The following ZNF451 variants were observed in gnomAD, a reference collection of about 807,000 sequenced individuals.
The protein encoded by ZNF451 is E3 SUMO-protein ligase ZNF451.
ZNF451 carries 80 observed loss-of-function variants against 107.1 expected under a neutral mutation model. The ratio of observed to expected loss-of-function variants is 0.75; its 90% CI spans 0.62 to 0.90. ZNF451 has a LOEUF of 0.90. Among genes scored for constraint, ZNF451 ranks in the 40% least tolerant of loss-of-function variants. The pLI is 0.00. For synonymous variants in ZNF451, 362 were observed against 406.5 expected, an observed-to-expected ratio of 0.89 and a Z score of 1.32; for missense variants, 1,107 against 1,236.2, an observed-to-expected ratio of 0.90 and a Z score of 1.57.
At chr6:57,109,797 T>C (rs1830030058) in intron 3 of ZNF451, 5 of 769,458 alleles carry the variant, frequency 6.5e-6, no homozygotes, top group Middle Eastern at 6.7e-4. Context: ...TTAGAGTGTA[T>C]ATGTATGTGT....
At chr6:57,138,704 C>CATATATAT (rs60629541) in intron 7 of ZNF451, among the ~76,000 whole-genome samples, 120 of 43,764 alleles carry the variant, frequency 2.7e-3, no homozygotes, top group South Asian at 2.8e-3. Context: ...GCAGCTATGC[C>CATATATAT]ATATATATAT....
intron 12 of ZNF451, among the ~76,000 whole-genome samples, chr6:57,153,517 G>C (rs1015047543): frequency 2.6e-4 from 40 of 151,578 alleles, no homozygotes; most frequent in African/African-American, 9.2e-4. Context: ...TGATTCTCCA[G>C]CCTCAGCCTG....
intron 10 of ZNF451, 43 bp from the exon 11 acceptor site, chr6:57,150,676 G>A: frequency 6.5e-7 from 1 of 1,544,560 alleles, no homozygotes; most frequent in South Asian, 1.3e-5. Flanking sequence ...AATGATTTTA[G>A]CAAATTCTTA....
chr6:57,144,351 G>A (rs994695497), intron 9 of ZNF451, among the ~76,000 whole-genome samples: 1 of 146,250 alleles, frequency 6.8e-6, no homozygotes, highest in African/African-American at 2.5e-5. Context: ...AGTGATTCTC[G>A]TGCCTCAGCC....
chr6:57,101,699 T>C, intron 3 of ZNF451: 4 of 1,550,646 alleles, frequency 2.6e-6, no homozygotes, highest in Non-Finnish European at 1.7e-6. Flanking sequence ...TCTGATGGTA[T>C]GGATGCAGGC....
intron 3 of ZNF451, chr6:57,106,667 T>C (rs973940394): frequency 1.2e-5 from 12 of 985,038 alleles, no homozygotes; most frequent in Non-Finnish European, 1.4e-5. Context: ...TCGCACTGTT[T>C]AGGTTCTCTT....
intron 3 of ZNF451, among the ~76,000 whole-genome samples, chr6:57,110,070 T>G (rs1037510275): frequency 1.3e-5 from 2 of 152,318 alleles, no homozygotes; most frequent in African/African-American, 4.8e-5. Flanking sequence ...AAAGCTTTTC[T>G]TACCAAGTGT....
intron 3 of ZNF451, chr6:57,106,928 TA>T: frequency 1.1e-6 from 1 of 931,402 alleles, no homozygotes. Flanking sequence ...TTGAGTTTTA[TA>T]AACCATTAAA....
intron 14 of ZNF451, among the ~76,000 whole-genome samples, 190 bp from the exon 15 acceptor site, chr6:57,168,233 G>C (rs941482822): frequency 1.3e-5 from 2 of 152,070 alleles, no homozygotes; most frequent in African/African-American, 4.8e-5. Context: ...TTCAATTCAA[G>C]ATCATGTCTA....
At chr6:57,095,925 G>A (rs1175590496) in intron 2 of ZNF451, among the ~76,000 whole-genome samples, 1 of 151,912 alleles carries the variant, frequency 6.6e-6, no homozygotes, top group African/African-American at 2.4e-5. Context: ...CTGGGCTAAA[G>A]CGATTCTTGT....
chr6:57,147,169 G>A lies in ZNF451; in HGVS notation c.1084G>A (p.Gly362Ser), dbSNP rs758399871. The change falls in exon 10 of 15, where the codon GGT becomes AGT. Residue 362 changes from glycine to serine, a missense_variant. Transcript: ENST00000370706. Reference sequence around the variant, plus strand: ...GGTTGCAGAGAAATTCATATTAAGAGGTTATTGTCCAGATTGCAATCAAGT... The same window carrying A: ...GGTTGCAGAGAAATTCATATTAAGAAGTTATTGTCCAGATTGCAATCAAGT... The part of the protein sequence containing the change: ...TQVAEKFILR[G>S]YCPDCNQVFV... The A allele has an allele frequency of 6.2e-7, 1 of 1,613,928 alleles. No homozygotes were observed. The highest frequency in any genetic ancestry group is 8.5e-7 in the Non-Finnish European group (1 of 1,179,952).
chr6:57,107,060 G>A, intron 3 of ZNF451: 1 of 981,234 alleles, frequency 1.0e-6, no homozygotes, highest in Non-Finnish European at 1.2e-6. Context: ...TTGTTATAAT[G>A]AAAACTTTAC....
chr6:57,129,668 G>A (rs535176736), intron 5 of ZNF451, among the ~76,000 whole-genome samples: 2 of 152,210 alleles, frequency 1.3e-5, no homozygotes, highest in East Asian at 1.9e-4. Flanking sequence ...TAATTTACAT[G>A]TATTGGTATT....
chr6:57,163,576 G>A (rs1027092417), intron 14 of ZNF451, among the ~76,000 whole-genome samples: 5 of 144,522 alleles, frequency 3.5e-5, no homozygotes, highest in Admixed American at 1.4e-4. Context: ...TCAGCCTCCC[G>A]AGTAGCTGGG....
In ZNF451 at chr6:57,147,448, A is replaced by G; in HGVS notation, c.1363A>G (p.Ser455Gly). The G allele has an allele frequency of 1.2e-6, 2 of 1,614,138 alleles. No homozygotes were observed. The highest frequency in any genetic ancestry group is 1.1e-5 in the South Asian group (1 of 91,072). ...PKKKMNLKDK[S>G]HEGVACVQKE... ...AAAGAAGATGAATTTAAAAGATAAA[A>G]GCCATGAAGGTGTTGCTTGTGTCCA... The change falls in exon 10 of 15, where the codon AGC becomes GGC. Residue 455 changes from serine (S) to glycine (G), a missense_variant. By Grantham distance (56) the Ser-to-Gly change is moderately conservative. This residue lies in a region of ZNF451 where 608 missense variants were observed against 649.2 expected (regional missense o/e 0.94). Coordinates refer to ENST00000370706, the MANE Select transcript of ZNF451 (RefSeq NM_001031623.3).
chr6:57,164,397 A>C (rs1763809325), intron 14 of ZNF451, among the ~76,000 whole-genome samples: 1 of 152,202 alleles, frequency 6.6e-6, no homozygotes, highest in Non-Finnish European at 1.5e-5. Context: ...TGCTAATGTT[A>C]CTGGGATTAT....
At position 57,142,088 on chromosome 6, in the gene ZNF451, C is replaced by G; in HGVS notation, c.997C>G (p.His333Asp). 6.2e-7 allele frequency: 1 copy of G among 1,611,826 alleles called. No homozygotes were observed. Among genetic ancestry groups the G allele is most frequent in the Non-Finnish European group, 8.5e-7 (1 of 1,178,234 alleles). Residue 333 changes from histidine to aspartate, a missense_variant, in exon 9 of 15, where the codon CAT (histidine) becomes GAT (aspartate). His to Asp is a moderately conservative substitution (Grantham distance 81). Around this residue, in one of 5 missense-constraint regions of ZNF451, gnomAD observed 339 missense variants for 372.8 expected, o/e 0.91. Transcript: ENST00000370706. ...TLRSHMELTAHFRVHCRNAGP... is the reference protein window; with the variant it reads ...TLRSHMELTADFRVHCRNAGP... ...GCGTTCCCACATGGAGCTCACTGCC[C>G]ATTTCAGGTTTGTATTGGTCTGGAG...
chr6:57,130,290 A>G (rs1041725561), intron 5 of ZNF451, among the ~76,000 whole-genome samples: 3 of 152,178 alleles, frequency 2.0e-5, no homozygotes, highest in East Asian at 1.9e-4. Context: ...CAAAAGACAC[A>G]TAGAAAATAT....
chr6:57,153,912 T>C lies in ZNF451; in HGVS notation c.2935T>C (p.Ser979Pro), dbSNP rs1763270682. ...LPKQIPFTILSGDQGFLELEN... is the reference protein window; with the variant it reads ...LPKQIPFTILPGDQGFLELEN... ...CAAGCAAATTCCTTTCACCATCCTC[T>C]CAGGAGATCAAGGTTTTCTGGAGCT... is the stretch of plus-strand genomic sequence containing the variant. Residue 979 changes from serine (S) to proline (P), a missense_variant, in exon 13 of 15, where the codon TCA becomes CCA. Coordinates refer to ENST00000370706, the MANE Select transcript of ZNF451 (RefSeq NM_001031623.3). 1 of 1,614,182 alleles carries C rather than the reference T, an allele frequency of 6.2e-7. No individual in the cohort carries two copies. The highest frequency in any genetic ancestry group is 8.5e-7 in the Non-Finnish European group (1 of 1,180,034).
Sources: gnomAD v4.1 joint callset for allele counts (sites outside exome capture counted in the v4.1 genomes callset) on GRCh38, gnomAD v4.1.1 for gene constraint, gnomAD v4.1.1 regional missense constraint, MANE v1.5 for transcripts, NCBI Gene and HGNC (gene_info 2026-07-23, HGNC 2026-07-21) for gene names.